The following TSBP1 variants were observed in gnomAD, a reference collection of about 807,000 sequenced individuals.
The protein encoded by TSBP1 is testis-expressed basic protein 1.
Under a neutral mutation model 68.8 loss-of-function variants are expected in TSBP1, and 56 were observed. The ratio of observed to expected loss-of-function variants is 0.81; its 90% CI spans 0.66 to 1.02. TSBP1 has a LOEUF of 1.02. TSBP1 is among the 50% of genes least tolerant of loss of function. TSBP1 has a pLI of 0.00. For missense variants in TSBP1, 502 were observed against 641.2 expected (o/e 0.78, Z 2.34); for synonymous variants, 171 against 208.7 (o/e 0.82, Z 1.56).
At position 32,335,267 on chromosome 6, in the gene TSBP1, A is replaced by G. The variant is rs1000440099; in HGVS notation, c.472+170T>C. On this transcript the variant is annotated intron_variant, in intron 14 of 22. Coordinates refer to ENST00000612031, the Ensembl canonical transcript of TSBP1. The surrounding 1 kb of genome is among the most constrained non-coding windows in gnomAD (Gnocchi z 5.5). ...TGCATTTCAGCTTCATAGTTAATAT[A>G]TTTTTATTGCAGAACCTGGATGAGT... Among the ~76,000 whole-genome samples the G allele has an allele frequency of 6.6e-6, 1 of 152,058 alleles. No homozygotes were observed. The highest frequency in any genetic ancestry group is 2.4e-5 in the African/African-American group (1 of 41,396).
intron 9 of TSBP1, among the ~76,000 whole-genome samples, chr6:32,344,272 C>A (rs186333702): frequency 1.0e-4 from 1 of 9,724 alleles, no homozygotes; most frequent in Admixed American, 9.3e-4. Flanking sequence ...CCACCCCCCA[C>A]CCTCCACCCC....
At position 32,325,596 on chromosome 6, in the gene TSBP1, A is replaced by C; in HGVS notation, c.515-1982T>G. 1 of 913,904 alleles carries C rather than the reference A, an allele frequency of 1.1e-6. No individual in the cohort carries two copies. The highest frequency in any genetic ancestry group is 1.3e-5 in the South Asian group (1 of 77,776). The allele number at this position is 913,904 out of a possible 1,614,324, so 56.6% of individuals were successfully genotyped here. On this transcript the variant is annotated intron_variant, in intron 16 of 22. Coordinates refer to ENST00000612031, the Ensembl canonical transcript of TSBP1. The surrounding 1 kb of genome is among the most constrained non-coding windows in gnomAD (Gnocchi z 4.4). ...AATCACCTAAGAAATTATTTTGAGT[A>C]GTATGGAAAAATTGAAGTGATTGAA...
At chr6:32,362,623 CCTTT>C (rs1422495936) in intron 6 of TSBP1, among the ~76,000 whole-genome samples, 1 of 152,122 alleles carries the variant, frequency 6.6e-6, no homozygotes, top group Non-Finnish European at 1.5e-5. Context: ...TTGATTGTTT[CCTTT>C]GTTGTCCAGA....
intron 18 of TSBP1, among the ~76,000 whole-genome samples, 199 bp downstream of exon 19, chr6:32,322,918 T>G (rs954734896): frequency 2.9e-5 from 2 of 69,470 alleles, no homozygotes; most frequent in African/African-American, 6.9e-5. Context: ...TCCTCCTACT[T>G]GTTATTTCGT....
intron 6 of TSBP1, among the ~76,000 whole-genome samples, chr6:32,356,479 G>C (rs1311808270): frequency 6.6e-6 from 1 of 152,136 alleles, no homozygotes; most frequent in African/African-American, 2.4e-5. Context: ...CAGCACTTTG[G>C]GAGGCCGAAG....
intron 9 of TSBP1, among the ~76,000 whole-genome samples, chr6:32,344,198 T>A: frequency 6.6e-6 from 1 of 151,262 alleles, no homozygotes; most frequent in Non-Finnish European, 1.5e-5. Flanking sequence ...GCTGGTGTGC[T>A]GCATCCATTA....
Position 32,315,627 on chromosome 6 carries a change from T to C in TSBP1, c.580+145A>G, listed in dbSNP as rs1212975902. 1.1e-5 allele frequency: 6 copies of C among 529,598 alleles called. No homozygotes were observed. The highest frequency in any genetic ancestry group is 9.5e-5 in the African/African-American group (5 of 52,422). The allele number at this position is 529,598 out of a possible 1,614,324, so 32.8% of individuals were successfully genotyped here. A position where few individuals can be genotyped will look rare whatever the true frequency, so the allele number is the denominator to read the frequency against. On this transcript the variant is annotated intron_variant, in intron 19 of 22. Transcript: ENST00000612031. The surrounding 1 kb of genome is among the most constrained non-coding windows in gnomAD (Gnocchi z 5.4). ...TTACAGTTATGAATCAAAAAGTTTG[T>C]CTTGCAGTCCTAATCTGGAGGACTT...
Position 32,302,557 on chromosome 6 carries a change from T to C in TSBP1, c.601+52A>G. 7.4e-6 allele frequency: 9 copies of C among 1,223,116 alleles called. No homozygotes were observed. In the South Asian group the frequency reaches 1.1e-4, roughly 15 times the overall value. 75.8% of individuals were successfully genotyped at this position (1,223,116 alleles called of 1,614,324 possible). On this transcript the variant is annotated intron_variant, in intron 20 of 22. Coordinates refer to ENST00000612031, the Ensembl canonical transcript of TSBP1. This position sits in a 1 kb window ranked among gnomAD's most constrained non-coding sequence, Gnocchi z 5.1. ...AAAAACATTTGTAGAAAAAATTTGC[T>C]CACCCCAGCCCTACAAGAAACTAAT... is the stretch of plus-strand genomic sequence containing the variant.
chr6:32,303,613 T>G (rs1350701798), intron 19 of TSBP1, among the ~76,000 whole-genome samples: 1 of 152,272 alleles, frequency 6.6e-6, no homozygotes, highest in Non-Finnish European at 1.5e-5. Flanking sequence ...TTTAATGTAC[T>G]CTGGTAATCT....
In TSBP1 at chr6:32,367,265, A is replaced by AGAGAGAGAGAG. The variant is rs9281758; in HGVS notation, c.166+659_166+660insCTCTCTCTCTC. Among the ~76,000 whole-genome samples, 720 of 117,752 alleles carry AGAGAGAGAGAG rather than the reference A, an allele frequency of 6.1e-3. 9 individuals are homozygous for AGAGAGAGAGAG. Among genetic ancestry groups the AGAGAGAGAGAG allele is most frequent in the Non-Finnish European group, 5.8e-3 (307 of 53,350 alleles). 77.2% of individuals were successfully genotyped at this position (117,752 alleles called of 152,430 possible). A position where few individuals can be genotyped will look rare whatever the true frequency, so the allele number is the denominator to read the frequency against. ...GGAAAGAGAGAGAGAGAGAGAGAGA[A>AGAGAGAGAGAG]AGAGAGAGAGAGACAGCCGAGGGAA... is the stretch of plus-strand genomic sequence containing the variant. On this transcript the variant is annotated intron_variant, in intron 4 of 22. Transcript: ENST00000612031.
At position 32,293,304 on chromosome 6, in the gene TSBP1, G is replaced by A. The variant is rs141143249; in HGVS notation, c.1369C>T (p.Gln457Ter). ...ACACTCACCTCAGTGTTCTTTACTTGGGATTCTGGTCCTTTCAGTACACCT... is the reference window on the plus strand; with the variant it reads ...ACACTCACCTCAGTGTTCTTTACTTAGGATTCTGGTCCTTTCAGTACACCT... The change falls in exon 23 of 23, where the codon CAA becomes TAA. Residue 457 changes from glutamine (Q) to a stop codon, truncating the protein, a stop_gained. Coordinates refer to ENST00000612031, the Ensembl canonical transcript of TSBP1. LOFTEE classifies it low-confidence loss of function (END_TRUNC). 37 of 1,612,404 alleles carry A rather than the reference G, an allele frequency of 2.3e-5. No homozygotes were observed. In the African/African-American group the frequency reaches 3.5e-4, roughly 15 times the overall value.
Position 32,315,664 on chromosome 6 carries a change from G to T in TSBP1, c.580+108C>A. The stretch of plus-strand genomic sequence containing the variant: ...AATCTGGAGGACTTTGGGTAATGTA[G>T]AAGCAAATGAATATGAGAAATATGA... On this transcript the variant is annotated intron_variant, in intron 19 of 22. Coordinates refer to ENST00000612031, the Ensembl canonical transcript of TSBP1. The surrounding 1 kb of genome is among the most constrained non-coding windows in gnomAD (Gnocchi z 5.4). 1.4e-6 allele frequency: 1 copy of T among 696,138 alleles called. No individual in the cohort carries two copies. The highest frequency in any genetic ancestry group is 2.3e-6 in the Non-Finnish European group (1 of 437,582). 43.1% of individuals were successfully genotyped at this position (696,138 alleles called of 1,614,324 possible). A position where few individuals can be genotyped will look rare whatever the true frequency, so the allele number is the denominator to read the frequency against.
At chr6:32,367,781 A>AAG (rs3038543) in intron 4 of TSBP1, 144 bp downstream of exon 4, 3 of 517,988 alleles carry the variant, frequency 5.8e-6, no homozygotes, top group East Asian at 3.2e-5. Flanking sequence ...TTTCTTGAGA[A>AAG]AGAGAGGAGT....
At chr6:32,348,302 T>C (rs1000948239) in intron 9 of TSBP1, among the ~76,000 whole-genome samples, 1 of 152,106 alleles carries the variant, frequency 6.6e-6, no homozygotes, top group Non-Finnish European at 1.5e-5. Context: ...ATAAGTTAGA[T>C]GCAAACAAAG....
chr6:32,317,006 A>T (rs1767029173), intron 18 of TSBP1, among the ~76,000 whole-genome samples: 1 of 152,192 alleles, frequency 6.6e-6, no homozygotes, highest in Non-Finnish European at 1.5e-5. Context: ...GGGTTTTAAG[A>T]GGGGTTGGCC....
At position 32,323,523 on chromosome 6, in the gene TSBP1, G is replaced by A. The variant is rs759791905; in HGVS notation, c.538+68C>T. ...TTAGAAATGAGCAGGGTAGAGACAG[G>A]TCTCTAAGCCTTGCAGGGAACAACA... On this transcript the variant is annotated intron_variant, in intron 17 of 22. Transcript: ENST00000612031. 3.4e-6 allele frequency: 5 copies of A among 1,451,014 alleles called. No homozygotes were observed. In the African/African-American group the frequency reaches 5.6e-5, roughly 16 times the overall value. 89.9% of individuals were successfully genotyped at this position (1,451,014 alleles called of 1,614,324 possible). A position where few individuals can be genotyped will look rare whatever the true frequency, so the allele number is the denominator to read the frequency against.
rs1769659242 is a variant in TSBP1, at chr6:32,336,285, G to A, written c.430+330C>T. Among the ~76,000 whole-genome samples, 1 of 152,182 alleles carries A rather than the reference G, an allele frequency of 6.6e-6. No homozygotes were observed. Among genetic ancestry groups the A allele is most frequent in the Non-Finnish European group, 1.5e-5 (1 of 68,042 alleles). On this transcript the variant is annotated intron_variant, in intron 12 of 22. Coordinates refer to ENST00000612031, the Ensembl canonical transcript of TSBP1. The surrounding 1 kb of genome is among the most constrained non-coding windows in gnomAD (Gnocchi z 5.2). ...TTTGAAAGGTGTACCTTCCCTTGCT[G>A]ATGGATCATTATGACTATTTCTAAG...
intron 6 of TSBP1, among the ~76,000 whole-genome samples, chr6:32,363,136 G>T (rs570687167): frequency 3.3e-5 from 5 of 152,106 alleles, no homozygotes; most frequent in African/African-American, 1.2e-4. Context: ...TTTGTCTCTT[G>T]TTATAATTTT....
exon 23 of TSBP1, chr6:32,293,079 C>T (rs1463607612): frequency 3.1e-6 from 5 of 1,611,794 alleles, no homozygotes; most frequent in South Asian, 1.1e-5. Flanking sequence ...TCTCTCTTTC[C>T]TTTAACTTTG....
Sources: gnomAD v4.1 joint callset for allele counts (sites outside exome capture counted in the v4.1 genomes callset) on GRCh38, gnomAD v4.1.1 for gene constraint, Gnocchi (gnomAD v3.1) non-coding constraint, MANE v1.5 for transcripts, NCBI Gene and HGNC (gene_info 2026-07-23, HGNC 2026-07-21) for gene names.